The following MARCHF8 variants were observed in gnomAD, a reference collection of about 807,000 sequenced individuals.
MARCHF8 encodes the protein E3 ubiquitin-protein ligase MARCHF8.
Under a neutral mutation model 51.6 loss-of-function variants are expected in MARCHF8, and 40 were observed. That is an observed-to-expected ratio of 0.77 (90% CI 0.60 to 1.01). The LOEUF (loss-of-function observed/expected upper bound fraction) is 1.01. Among genes scored for constraint, MARCHF8 ranks in the 50% least tolerant of loss-of-function variants. The pLI is 0.00. For missense variants in MARCHF8, 685 were observed against 708.6 expected (o/e 0.97, Z 0.38); for synonymous variants, 263 against 280.3 (o/e 0.94, Z 0.62).
upstream of MARCHF8, among the ~76,000 whole-genome samples, chr10:45,538,212 A>G (rs1468144261): frequency 6.6e-6 from 1 of 152,234 alleles, no homozygotes; most frequent in African/African-American, 2.4e-5. Flanking sequence ...ATATCCAGCC[A>G]AACTAAGCTT....
intron 2 of MARCHF8, among the ~76,000 whole-genome samples, chr10:45,526,866 C>T (rs978896405): frequency 6.6e-6 from 1 of 152,130 alleles, no homozygotes; most frequent in Non-Finnish European, 1.5e-5. Context: ...CAGACCTTAT[C>T]TTAAGGAATG....
intron 2 of MARCHF8, among the ~76,000 whole-genome samples, chr10:45,530,988 G>A (rs1043573183): frequency 6.6e-6 from 1 of 151,992 alleles, no homozygotes; most frequent in African/African-American, 2.4e-5. Context: ...ACATGTCTGA[G>A]ATGAAAAACA....
chr10:45,495,174 T>C (rs113432182), intron 2 of MARCHF8, among the ~76,000 whole-genome samples: 1 of 152,000 alleles, frequency 6.6e-6, no homozygotes, highest in Non-Finnish European at 1.5e-5. Flanking sequence ...CTTTGGATTA[T>C]GTAGGGTTTT....
exon 1 of MARCHF8, chr10:45,594,791 G>C (rs890385901): frequency 1.3e-5 from 2 of 152,484 alleles, no homozygotes; most frequent in African/African-American, 4.8e-5. Flanking sequence ...CTGAGCTGGC[G>C]GCGCTACCGC....
chr10:45,584,012 A>C (rs1291621494), intron 1 of MARCHF8, among the ~76,000 whole-genome samples: 4 of 137,482 alleles, frequency 2.9e-5, no homozygotes, highest in African/African-American at 1.0e-4. Flanking sequence ...TTTCCAAAAA[A>C]AAAAAAAAAA....
intron 1 of MARCHF8, among the ~76,000 whole-genome samples, chr10:45,581,040 C>A (rs1384795657): frequency 6.6e-6 from 1 of 152,088 alleles, no homozygotes; most frequent in Non-Finnish European, 1.5e-5. Context: ...GCTGGGAACA[C>A]GGAGAAACCA....
At chr10:45,464,400 G>A in intron 3 of MARCHF8, 73 bp from the exon 4 acceptor site, 1 of 1,269,238 alleles carries the variant, frequency 7.9e-7, no homozygotes, top group Non-Finnish European at 1.2e-6. Context: ...CCTGAATGGT[G>A]ACAGGGAGAA....
chr10:45,499,136 G>C (rs1026975815), intron 2 of MARCHF8, among the ~76,000 whole-genome samples: 9 of 152,126 alleles, frequency 5.9e-5, no homozygotes, highest in African/African-American at 2.2e-4. Flanking sequence ...ATATATAACA[G>C]CCATCCTTGA....
At chr10:45,497,407 G>GA (rs1279675717) in intron 2 of MARCHF8, among the ~76,000 whole-genome samples, 4 of 152,068 alleles carry the variant, frequency 2.6e-5, no homozygotes, top group African/African-American at 9.7e-5. Flanking sequence ...TAAAAGACTT[G>GA]AACAGCACTA....
chr10:45,568,864 C>A (rs945800354), intron 1 of MARCHF8, among the ~76,000 whole-genome samples: 1 of 151,536 alleles, frequency 6.6e-6, no homozygotes, highest in Admixed American at 6.6e-5. Flanking sequence ...GTCAGGAGAT[C>A]GAGACCATCT....
intron 1 of MARCHF8, among the ~76,000 whole-genome samples, chr10:45,580,973 C>T (rs2044549160): frequency 6.6e-6 from 1 of 152,194 alleles, no homozygotes. Context: ...TACTTGGCAA[C>T]TTTCTGCCTA....
chr10:45,582,234 G>T (rs1434937330), intron 1 of MARCHF8, among the ~76,000 whole-genome samples: 2 of 152,126 alleles, frequency 1.3e-5, no homozygotes, highest in Non-Finnish European at 2.9e-5. Context: ...ACTTAAGGTG[G>T]CCCCCTTCAA....
chr10:45,490,298 A>T (rs1405520574), intron 2 of MARCHF8, among the ~76,000 whole-genome samples: 1 of 152,228 alleles, frequency 6.6e-6, no homozygotes, highest in Non-Finnish European at 1.5e-5. Context: ...GATGTAATTA[A>T]GTTTACATGA....
At chr10:45,478,416 A>G (rs568238035) in intron 3 of MARCHF8, among the ~76,000 whole-genome samples, 1 of 152,338 alleles carries the variant, frequency 6.6e-6, no homozygotes, top group South Asian at 2.1e-4. Flanking sequence ...GTCCAGAGCA[A>G]TAAACACCTA....
chr10:45,469,794 G>A (rs1240479450), intron 3 of MARCHF8, among the ~76,000 whole-genome samples: 1 of 149,696 alleles, frequency 6.7e-6, no homozygotes, highest in Non-Finnish European at 1.5e-5. Context: ...GAACCCGGGA[G>A]GCGGAGCTTG....
chr10:45,529,551 A>G (rs1233697811), intron 2 of MARCHF8, among the ~76,000 whole-genome samples: 1 of 152,218 alleles, frequency 6.6e-6, no homozygotes, highest in East Asian at 1.9e-4. Flanking sequence ...AGAACAGGAG[A>G]AAATATCTGC....
At chr10:45,569,945 A>G (rs1337969593) in intron 1 of MARCHF8, among the ~76,000 whole-genome samples, 1 of 152,240 alleles carries the variant, frequency 6.6e-6, no homozygotes, top group Non-Finnish European at 1.5e-5. Flanking sequence ...ATGGAAAGAT[A>G]AACCACACAG....
chr10:45,564,985 T>TAA lies in MARCHF8; in HGVS notation c.-79+29248_-79+29249dup, dbSNP rs60290162. Among the ~76,000 whole-genome samples, 811 of 98,654 alleles carry TAA rather than the reference T, an allele frequency of 8.2e-3. 7 individuals carry two copies. The highest frequency in any genetic ancestry group is 0.027 in the African/African-American group (655 of 23,958). The allele number at this position is 98,654 out of a possible 152,430, so 64.7% of individuals were successfully genotyped here. A position where few individuals can be genotyped will look rare whatever the true frequency, so the allele number is the denominator to read the frequency against. ...ATAACATATAAAAACTAGGATCCAC[T>TAA]AAAAAAAAAAAAAAAAAAAATACTG... is the stretch of plus-strand genomic sequence containing the variant. On this transcript the variant is annotated intron_variant, in intron 1 of 6. Coordinates refer to the MARCHF8 transcript ENST00000319836.
Position 45,463,133 on chromosome 10 carries a change from A to G in MARCHF8, c.1088+18T>C. On this transcript the variant is annotated intron_variant, in intron 5 of 7. Coordinates refer to ENST00000453424, the MANE Select transcript of MARCHF8 (RefSeq NM_001282866.2). ...TGCGAGCAGAGATGGCTAGAATGGCACTTCCTGGCAAACCAACCTGCAGAC... is the reference window on the plus strand; with the variant it reads ...TGCGAGCAGAGATGGCTAGAATGGCGCTTCCTGGCAAACCAACCTGCAGAC... 1 of 1,540,948 alleles carries G rather than the reference A, an allele frequency of 6.5e-7. No homozygotes were observed. The highest frequency in any genetic ancestry group is 8.8e-7 in the Non-Finnish European group (1 of 1,141,484).
Sources: gnomAD v4.1 joint callset for allele counts (sites outside exome capture counted in the v4.1 genomes callset) on GRCh38, gnomAD v4.1.1 for gene constraint, MANE v1.5 for transcripts, NCBI Gene and HGNC (gene_info 2026-07-23, HGNC 2026-07-21) for gene names.